Variants in SPIRE1 observed in about 807,000 individuals in gnomAD.
The protein encoded by SPIRE1 is spire type actin nucleation factor 1.
Under a neutral mutation model 94.1 loss-of-function variants are expected in SPIRE1, and 40 were observed. The observed-to-expected ratio is 0.43, with a 90% CI of 0.33 to 0.55. The LOEUF (loss-of-function observed/expected upper bound fraction) is 0.55. Ranked by LOEUF, SPIRE1 falls within the 20% of genes least tolerant of loss-of-function variation. SPIRE1 has a pLI of 0.06. For missense variants in SPIRE1, 838 were observed against 975.2 expected (o/e 0.86, Z 1.87); for synonymous variants, 376 against 371.7 (o/e 1.01, Z -0.13).
chr18:12,525,114 A>C (rs1208491814), intron 4 of SPIRE1, among the ~76,000 whole-genome samples: 1 of 151,626 alleles, frequency 6.6e-6, no homozygotes, highest in Non-Finnish European at 1.5e-5. Flanking sequence ...GTCTCTACTA[A>C]AAATACAAAA....
intron 2 of SPIRE1, among the ~76,000 whole-genome samples, chr18:12,549,844 G>A (rs1180032391): frequency 6.6e-6 from 1 of 151,964 alleles, no homozygotes; most frequent in Admixed American, 6.6e-5. Flanking sequence ...CAAAACCATT[G>A]CAAATATCAA....
At chr18:12,467,614 C>A (rs183761316) in intron 10 of SPIRE1, among the ~76,000 whole-genome samples, 1 of 152,334 alleles carries the variant, frequency 6.6e-6, no homozygotes, top group East Asian at 1.9e-4. Context: ...CAGAAACCAT[C>A]CCTGTGCCTC....
At chr18:12,469,699 A>G (rs1277509877) in intron 10 of SPIRE1, among the ~76,000 whole-genome samples, 1 of 143,248 alleles carries the variant, frequency 7.0e-6, no homozygotes, top group African/African-American at 2.6e-5. Context: ...TAATTTGTAT[A>G]ATTTATATAA....
At chr18:12,493,776 A>G (rs1404429754) in intron 7 of SPIRE1, among the ~76,000 whole-genome samples, 1 of 152,224 alleles carries the variant, frequency 6.6e-6, no homozygotes, top group South Asian at 2.1e-4. Flanking sequence ...TTCCAGGCGC[A>G]TGCCACTGAG....
At chr18:12,523,904 T>C (rs1328126474) in intron 4 of SPIRE1, among the ~76,000 whole-genome samples, 1 of 152,232 alleles carries the variant, frequency 6.6e-6, no homozygotes, top group African/African-American at 2.4e-5. Flanking sequence ...TTGCCCACTC[T>C]AGTCTCAAAC....
At chr18:12,543,523 T>C (rs2035068908) in intron 3 of SPIRE1, among the ~76,000 whole-genome samples, 1 of 152,216 alleles carries the variant, frequency 6.6e-6, no homozygotes, top group African/African-American at 2.4e-5. Flanking sequence ...CCTGACTTAC[T>C]TTGTGAAACG....
intron 2 of SPIRE1, among the ~76,000 whole-genome samples, chr18:12,563,623 G>A (rs537444398): frequency 3.3e-5 from 5 of 152,230 alleles, no homozygotes; most frequent in Admixed American, 6.5e-5. Flanking sequence ...AAATAGTTGT[G>A]ATACAAGAAA....
intron 10 of SPIRE1, among the ~76,000 whole-genome samples, chr18:12,471,175 G>A (rs941425262): frequency 2.0e-5 from 3 of 151,232 alleles, no homozygotes; most frequent in African/African-American, 4.9e-5. Context: ...AGACACTGAA[G>A]TTAGGTTTCC....
At chr18:12,472,668 C>CT (rs201624013) in intron 10 of SPIRE1, among the ~76,000 whole-genome samples, 15,814 of 148,290 alleles carry the variant, frequency 0.11, 1,196 homozygotes, top group Middle Eastern at 0.22. Flanking sequence ...TGTGGTTGGT[C>CT]TTTTTTTTGC....
At chr18:12,610,534 T>A (rs2037109375) in intron 2 of SPIRE1, among the ~76,000 whole-genome samples, 2 of 152,164 alleles carry the variant, frequency 1.3e-5, no homozygotes, top group South Asian at 4.1e-4. Context: ...TTTCTCTCTT[T>A]GTACTCATTT....
In SPIRE1 at chr18:12,506,629, C is replaced by A; in HGVS notation, c.820G>T (p.Val274Leu). 1.2e-6 allele frequency: 2 copies of A among 1,613,984 alleles called. No homozygotes were observed. ...TTCCTCAAATCCCTCATCACCTGTA[C>A]CCAGAATCGTGCCTGAAAGAACCAA... ...LKNADWARFW[V>L]QVMRDLRNGV... Residue 274 changes from valine (V) to leucine (L), a missense_variant, in exon 6 of 17, where the codon GTA becomes TTA. By Grantham distance (32) the Val-to-Leu change is conservative. Coordinates refer to ENST00000409402, the MANE Select transcript of SPIRE1 (RefSeq NM_001128626.2).
chr18:12,474,826 C>T (rs373484615), intron 10 of SPIRE1, among the ~76,000 whole-genome samples: 169 of 152,098 alleles, frequency 1.1e-3, no homozygotes, highest in African/African-American at 3.9e-3. Flanking sequence ...CTCAAAAAAC[C>T]CCCCCAAAAA....
intron 1 of SPIRE1, among the ~76,000 whole-genome samples, chr18:12,655,268 A>G (rs529350243): frequency 7.6e-4 from 116 of 151,746 alleles, no homozygotes; most frequent in Non-Finnish European, 1.4e-3. Context: ...GAGAGAGAGA[A>G]AGAGAAAGAA....
intron 9 of SPIRE1, among the ~76,000 whole-genome samples, chr18:12,481,061 G>A (rs544840459): frequency 1.8e-4 from 28 of 152,110 alleles, no homozygotes; most frequent in Non-Finnish European, 3.5e-4. Flanking sequence ...CCGGCATGGT[G>A]GCTCACGCCT....
At chr18:12,472,146 T>C (rs979866736) in intron 10 of SPIRE1, among the ~76,000 whole-genome samples, 2 of 152,188 alleles carry the variant, frequency 1.3e-5, no homozygotes, top group Non-Finnish European at 2.9e-5. Context: ...GAAGACAAAC[T>C]GATTTATATC....
chr18:12,559,771 G>A lies in SPIRE1; in HGVS notation c.373-12867C>T, dbSNP rs2035630876. Among the ~76,000 whole-genome samples the A allele has an allele frequency of 6.6e-6, 1 of 152,212 alleles. No individual in the cohort carries two copies. The highest frequency in any genetic ancestry group is 1.5e-5 in the Non-Finnish European group (1 of 68,034). On this transcript the variant is annotated intron_variant, in intron 2 of 16. Coordinates refer to ENST00000409402, the MANE Select transcript of SPIRE1 (RefSeq NM_001128626.2). This position sits in a 1 kb window ranked among gnomAD's most constrained non-coding sequence, Gnocchi z 4.7. ...AAATGGGATCACATGAAGTTAAATAGCTTTTGCCAGTGAAGAAAACAACAA... is the reference window on the plus strand; with the variant it reads ...AAATGGGATCACATGAAGTTAAATAACTTTTGCCAGTGAAGAAAACAACAA...
intron 1 of SPIRE1, among the ~76,000 whole-genome samples, chr18:12,647,532 C>T (rs1204598733): frequency 6.6e-6 from 1 of 152,002 alleles, no homozygotes; most frequent in Non-Finnish European, 1.5e-5. Flanking sequence ...AGGAAGATCA[C>T]TTGAATGGGG....
At chr18:12,631,836 G>C (rs2037789683) in intron 2 of SPIRE1, among the ~76,000 whole-genome samples, 1 of 152,160 alleles carries the variant, frequency 6.6e-6, no homozygotes, top group Admixed American at 6.6e-5. Flanking sequence ...CTGCACTCCA[G>C]TCTGGGTGAC....
chr18:12,615,421 T>C, intron 2 of SPIRE1, among the ~76,000 whole-genome samples: 1 of 136,476 alleles, frequency 7.3e-6, no homozygotes, highest in Non-Finnish European at 1.6e-5. Flanking sequence ...GCGCCTGTAG[T>C]TCCAGCTACT....
Sources: allele counts gnomAD v4.1 joint callset (sites outside exome capture counted in the v4.1 genomes callset), GRCh38; gene constraint gnomAD v4.1.1; non-coding constraint Gnocchi (gnomAD v3.1); transcripts MANE v1.5; gene names NCBI Gene and HGNC (gene_info 2026-07-23, HGNC 2026-07-21).